RBM33: variants seen among roughly 807,000 people sequenced by gnomAD.
RBM33 encodes RNA-binding protein 33.
Under a neutral mutation model 132.6 loss-of-function variants are expected in RBM33, and 28 were observed. That is an observed-to-expected ratio of 0.21 (90% CI 0.16 to 0.29). The LOEUF (loss-of-function observed/expected upper bound fraction) is 0.29, where lower values mean the gene tolerates loss of function less well. Ranked by LOEUF, RBM33 falls within the 10% of genes least tolerant of loss-of-function variation. RBM33 has a pLI of 1.00. For synonymous variants in RBM33, 634 were observed against 593.0 expected (o/e 1.07, Z -1.01); for missense variants, 1,291 against 1,518.5 (o/e 0.85, Z 2.49).
intron 14 of RBM33, among the ~76,000 whole-genome samples, chr7:155,761,590 T>C (rs1476692077): frequency 6.6e-6 from 1 of 152,228 alleles, no homozygotes; most frequent in Non-Finnish European, 1.5e-5. Context: ...AAGTTGCTTG[T>C]AATGTTTTTT....
At chr7:155,674,753 A>G (rs1290858096) in intron 3 of RBM33, among the ~76,000 whole-genome samples, 3 of 152,214 alleles carry the variant, frequency 2.0e-5, no homozygotes, top group Non-Finnish European at 4.4e-5. Flanking sequence ...GAGCATGCCC[A>G]GTGACAGTGC....
chr7:155,766,935 C>T (rs1380440602), intron 16 of RBM33: 3 of 417,738 alleles, frequency 7.2e-6, no homozygotes, highest in Non-Finnish European at 8.4e-6. Context: ...AGAAGGTTCA[C>T]ACTTGCACAC....
chr7:155,675,185 A>C lies in RBM33; in HGVS notation c.171+2270A>C, dbSNP rs1054971475. ...AGCCGGGCATGGTGACATGAACCTG[A>C]AATCCCAGTTACTCGGGAGGTTTAC... is the stretch of plus-strand genomic sequence containing the variant. On this transcript the variant is annotated intron_variant, in intron 3 of 17. Transcript: ENST00000401878. Among the ~76,000 whole-genome samples the C allele has an allele frequency of 5.3e-5, 8 of 151,944 alleles. No individual in the cohort carries two copies. The South Asian group carries it at 1.0e-3, about 20-fold the overall frequency.
chr7:155,673,648 G>GTA lies in RBM33; in HGVS notation c.171+740_171+741dup, dbSNP rs200722899. Among the ~76,000 whole-genome samples, 29 of 14,310 alleles carry GTA rather than the reference G, an allele frequency of 2.0e-3. 1 individual carries two copies. Among genetic ancestry groups the GTA allele is most frequent in the South Asian group, 3.6e-3 (1 of 276 alleles). The allele number at this position is 14,310 out of a possible 152,430, so 9.4% of individuals were successfully genotyped here. A position where few individuals can be genotyped will look rare whatever the true frequency, so the allele number is the denominator to read the frequency against. On this transcript the variant is annotated intron_variant, in intron 3 of 17. Coordinates refer to ENST00000401878, the MANE Select transcript of RBM33 (RefSeq NM_053043.3). Reference sequence around the variant, plus strand: ...TATACACACATATACATACACACGTGTATATATACACACATATACATACAC... The same window carrying GTA: ...TATACACACATATACATACACACGTGTATATATATACACACATATACATACAC...
At chr7:155,675,588 C>G (rs1322905562) in intron 3 of RBM33, among the ~76,000 whole-genome samples, 2 of 152,112 alleles carry the variant, frequency 1.3e-5, no homozygotes, top group Non-Finnish European at 2.9e-5. Flanking sequence ...TGTCCGTCGT[C>G]CAGCCTCAGC....
chr7:155,768,822 C>T (rs138701201), intron 16 of RBM33, among the ~76,000 whole-genome samples: 2,000 of 152,198 alleles, frequency 0.013, 11 homozygotes, highest in Non-Finnish European at 0.02. Flanking sequence ...ACTGTGTTAG[C>T]CAGGATGGTC....
chr7:155,709,615 T>G (rs1261978770), intron 7 of RBM33, among the ~76,000 whole-genome samples: 2 of 152,238 alleles, frequency 1.3e-5, no homozygotes, highest in Non-Finnish European at 1.5e-5. Flanking sequence ...CTCAGAACTC[T>G]GTGGTCTTGA....
chr7:155,716,790 A>G (rs1800475574), intron 8 of RBM33, among the ~76,000 whole-genome samples: 1 of 152,162 alleles, frequency 6.6e-6, no homozygotes, highest in Admixed American at 6.5e-5. Context: ...TCTATTTTAT[A>G]TAAAGTCTTG....
At chr7:155,700,616 G>T (rs1370985265) in intron 5 of RBM33, among the ~76,000 whole-genome samples, 157 bp from the exon 6 acceptor site, 1 of 135,600 alleles carries the variant, frequency 7.4e-6, no homozygotes, top group Non-Finnish European at 1.5e-5. Flanking sequence ...TTCTCCTGGA[G>T]TCAGCTTAGG....
At chr7:155,759,798 ATTG>A (rs558641999) in intron 14 of RBM33, among the ~76,000 whole-genome samples, 18 of 152,254 alleles carry the variant, frequency 1.2e-4, no homozygotes, top group Non-Finnish European at 2.6e-4. Flanking sequence ...GGTGCCACCT[ATTG>A]TTGTTAAAGT....
chr7:155,667,112 G>C (rs1262833587), intron 2 of RBM33, among the ~76,000 whole-genome samples: 2 of 152,160 alleles, frequency 1.3e-5, no homozygotes, highest in African/African-American at 4.8e-5. Context: ...TTTGACAGTA[G>C]GTTGCAGGTG....
chr7:155,723,094 T>C (rs954196784), intron 9 of RBM33, among the ~76,000 whole-genome samples: 6 of 152,260 alleles, frequency 3.9e-5, no homozygotes, highest in Non-Finnish European at 7.3e-5. Context: ...TCTTATAGTT[T>C]GGGCCACATT....
intron 14 of RBM33, among the ~76,000 whole-genome samples, chr7:155,751,970 CATTT>C (rs1801699791): frequency 6.6e-6 from 1 of 152,148 alleles, no homozygotes; most frequent in Non-Finnish European, 1.5e-5. Flanking sequence ...TCTATTTGTT[CATTT>C]ATTTATGTCA....
rs755324740 is a variant in RBM33 at position 155,706,856 on chromosome 7, A to C, written c.740-4A>C. The C allele has an allele frequency of 6.3e-7, 1 of 1,593,478 alleles. No homozygotes were observed. The highest frequency in any genetic ancestry group is 1.1e-5 in the South Asian group (1 of 87,158). ...AACTAACACATACACATTTTTTCAC[A>C]TAGAGCTTTCAGCAGAGGCCAAGGC... On this transcript the variant is annotated splice_polypyrimidine_tract_variant and splice_region_variant and intron_variant, in intron 6 of 17. Coordinates refer to ENST00000401878, the MANE Select transcript of RBM33 (RefSeq NM_053043.3).
rs906572632 is a variant in RBM33, at chr7:155,780,138, C to T, written c.*5097C>T. 9 of 152,076 alleles carry T rather than the reference C, an allele frequency of 5.9e-5. No individual in the cohort carries two copies. Among genetic ancestry groups the T allele is most frequent in the East Asian group, 5.8e-4 (3 of 5,194 alleles). 9.4% of individuals were successfully genotyped at this position (152,076 alleles called of 1,614,324 possible). A position where few individuals can be genotyped will look rare whatever the true frequency, so the allele number is the denominator to read the frequency against. On this transcript the variant is annotated 3_prime_UTR_variant, in exon 18 of 18. Transcript: ENST00000401878. ...AAACTGCTTTTCATTTTAAGGGCAC[C>T]CGTGGCGGAAGCTGGTTTTGCAAGG...
chr7:155,763,538 A>G (rs973738635), intron 14 of RBM33, among the ~76,000 whole-genome samples: 2 of 152,236 alleles, frequency 1.3e-5, no homozygotes, highest in African/African-American at 4.8e-5. Context: ...ACGGAATTCG[A>G]CAACATTTAT....
At chr7:155,734,268 T>C (rs1036423343) in intron 9 of RBM33, among the ~76,000 whole-genome samples, 4 of 152,222 alleles carry the variant, frequency 2.6e-5, no homozygotes, top group Non-Finnish European at 4.4e-5. Flanking sequence ...GATGTGTTCA[T>C]TGCTGGGAGA....
intron 5 of RBM33, among the ~76,000 whole-genome samples, chr7:155,696,483 A>G (rs935248791): frequency 8.5e-5 from 13 of 152,280 alleles, no homozygotes; most frequent in Admixed American, 3.3e-4. Context: ...ATTCTTACCT[A>G]TTCCTGATGT....
rs1311644159 is a variant in RBM33 at position 155,706,885 on chromosome 7, A to T, written c.765A>T (p.Ala255=). The change falls in exon 7 of 18, where the codon GCA becomes GCT. Residue 255 remains alanine (A), a synonymous_variant. Transcript: ENST00000401878. ...AGCTTTCAGCAGAGGCCAAGGCAGC[A>T]TTGCTTGAATTTGAAGAAAGGGAGC... The part of the protein sequence containing the change: ...TLELSAEAKA[A]LLEFEERERQ... 1 of 1,605,630 alleles carries T rather than the reference A, an allele frequency of 6.2e-7. No individual in the cohort carries two copies. Among genetic ancestry groups the T allele is most frequent in the Non-Finnish European group, 8.5e-7 (1 of 1,176,416 alleles).
Sources: gnomAD v4.1 joint callset for allele counts (sites outside exome capture counted in the v4.1 genomes callset) on GRCh38, gnomAD v4.1.1 for gene constraint, MANE v1.5 for transcripts, NCBI Gene and HGNC (gene_info 2026-07-23, HGNC 2026-07-21) for gene names.